The following KCNC4 variants were observed in gnomAD, a reference collection of about 807,000 sequenced individuals.
The protein encoded by KCNC4 is voltage-gated potassium channel KCNC4.
KCNC4 carries 23 observed loss-of-function variants against 42.8 expected under a neutral mutation model. That is an observed-to-expected ratio of 0.54 (90% CI 0.39 to 0.76). KCNC4 has a LOEUF of 0.76. KCNC4 is among the 30% of genes least tolerant of loss of function. The pLI is 0.00. For synonymous variants in KCNC4, 422 were observed against 393.5 expected (o/e 1.07, Z -0.86); for missense variants, 751 against 898.2 (o/e 0.84, Z 2.10).
At chr1:110,251,980 C>T (rs1293341913), downstream of KCNC4, among the ~76,000 whole-genome samples, 1 of 152,198 alleles carries the variant, frequency 6.6e-6, no homozygotes, top group Non-Finnish European at 1.5e-5. Context: ...AGAGCAAGCC[C>T]ATGATGGTGA....
chr1:110,223,644 G>C lies in KCNC4; in HGVS notation c.1359G>C (p.Gly453=). The change falls in exon 2 of 4, where the codon GGG becomes GGC. Residue 453 remains glycine, a synonymous_variant. Coordinates refer to ENST00000438661, the MANE Select transcript of KCNC4 (RefSeq NM_001039574.3). The surrounding 1 kb of genome is among the most constrained non-coding windows in gnomAD (Gnocchi z 7.5). ...YPKTWSGMLV[G]ALCALAGVLT... Reference sequence around the variant, plus strand: ...AGACGTGGTCAGGCATGCTGGTAGGGGCACTGTGTGCACTGGCTGGCGTGC... The same window carrying C: ...AGACGTGGTCAGGCATGCTGGTAGGCGCACTGTGTGCACTGGCTGGCGTGC... The C allele has an allele frequency of 6.2e-7, 1 of 1,614,144 alleles. No individual in the cohort carries two copies.
At chr1:110,253,231 C>T (rs1659274281), downstream of KCNC4, among the ~76,000 whole-genome samples, 2 of 152,228 alleles carry the variant, frequency 1.3e-5, no homozygotes, top group South Asian at 4.1e-4. Context: ...CATTTACTGA[C>T]CATGAGGGCA....
At chr1:110,269,722 A>T (rs1659607488) in intron 1 of KCNC4, among the ~76,000 whole-genome samples, 1 of 151,930 alleles carries the variant, frequency 6.6e-6, no homozygotes, top group Admixed American at 6.6e-5. Flanking sequence ...TGGTTACCAG[A>T]TCTCAGGCAA....
In KCNC4 at chr1:110,210,617, G is replaced by C. The variant is rs963099057; in HGVS notation, c.-883G>C. On this transcript the variant is annotated 5_prime_UTR_variant, in exon 1 of 4. Transcript: ENST00000438661. Reference sequence around the variant, plus strand: ...CCGCCCCCGGTACACCTTCGCCAGTGCCCAGAGCCCGGCTCCCCAGAGCGG... The same window carrying C: ...CCGCCCCCGGTACACCTTCGCCAGTCCCCAGAGCCCGGCTCCCCAGAGCGG... Among the ~76,000 whole-genome samples the C allele has an allele frequency of 1.3e-5, 2 of 151,052 alleles. No individual in the cohort carries two copies. Among genetic ancestry groups the C allele is most frequent in the Non-Finnish European group, 3.0e-5 (2 of 67,716 alleles).
downstream of KCNC4, among the ~76,000 whole-genome samples, chr1:110,253,092 A>G (rs778376467): frequency 7.9e-5 from 12 of 151,972 alleles, no homozygotes; most frequent in Non-Finnish European, 1.8e-4. Flanking sequence ...TTCTCAGCCA[A>G]CTCTCTGAAG....
chr1:110,218,345 C>T (rs1254509137), intron 1 of KCNC4, among the ~76,000 whole-genome samples: 1 of 152,172 alleles, frequency 6.6e-6, no homozygotes, highest in African/African-American at 2.4e-5. Flanking sequence ...TTGCACTACT[C>T]ATCCCTTCTG....
downstream of KCNC4, chr1:110,238,465 T>TG (rs1658956409): frequency 1.3e-5 from 2 of 152,222 alleles, no homozygotes; most frequent in Admixed American, 1.3e-4. Flanking sequence ...GTCATCCACT[T>TG]GTGTAGTTCC....
intron 1 of KCNC4, chr1:110,219,710 A>G (rs1571032425): frequency 6.6e-6 from 1 of 152,156 alleles, no homozygotes; most frequent in African/African-American, 2.4e-5. Context: ...AGGAAGCCCT[A>G]GTCAAGGGAG....
rs1557874038 is a variant in KCNC4, at chr1:110,265,397, TA to T, written n.31-17133del. ...TAAAATAAAATAAAATAAAATAAAATAAAATAAAATAAAATAAAATAAAATA... is the reference window on the plus strand; with the variant it reads ...TAAAATAAAATAAAATAAAATAAAATAAATAAAATAAAATAAAATAAAATA... On this transcript the variant is annotated intron_variant and non_coding_transcript_variant, in intron 1 of 2. Transcript: ENST00000412512. Among the ~76,000 whole-genome samples the T allele has an allele frequency of 3.2e-4, 37 of 116,538 alleles. 3 individuals are homozygous for T. The East Asian group carries it at 7.9e-3, about 25-fold the overall frequency. 76.5% of individuals were successfully genotyped at this position (116,538 alleles called of 152,430 possible).
Position 110,212,177 on chromosome 1 carries a change from G to A in KCNC4, c.678G>A (p.Arg226=), listed in dbSNP as rs771076232. The part of the protein sequence containing the change: ...FEDPYSSRAA[R]VVAFASLFFI... Reference sequence around the variant, plus strand: ...ATCCCTACTCCTCCCGGGCCGCTAGGGTGAGTGGCAGGAGCCCGTGTCTCC... The same window carrying A: ...ATCCCTACTCCTCCCGGGCCGCTAGAGTGAGTGGCAGGAGCCCGTGTCTCC... Residue 226 remains arginine, a splice_region_variant and synonymous_variant, in exon 1 of 4, where the codon AGG becomes AGA. Transcript: ENST00000438661. 6.7e-7 allele frequency: 1 copy of A among 1,488,070 alleles called. No individual in the cohort carries two copies. Among genetic ancestry groups the A allele is most frequent in the Non-Finnish European group, 8.8e-7 (1 of 1,135,940 alleles). The allele number at this position is 1,488,070 out of a possible 1,614,324, so 92.2% of individuals were successfully genotyped here.
chr1:110,216,149 C>T (rs1657781740), intron 1 of KCNC4, among the ~76,000 whole-genome samples: 2 of 152,242 alleles, frequency 1.3e-5, no homozygotes, highest in South Asian at 4.1e-4. Context: ...AGCTGCATTC[C>T]TGCCTGCCCG....
intron 1 of KCNC4, among the ~76,000 whole-genome samples, chr1:110,277,796 C>T (rs3849180): frequency 0.28 from 42,283 of 152,108 alleles, 6,276 homozygotes; most frequent in Admixed American, 0.42. Context: ...TCACTAGGTG[C>T]AGATTTATAA....
In KCNC4 at chr1:110,210,725, C is replaced by T. The variant is rs942963187; in HGVS notation, c.-775C>T. On this transcript the variant is annotated 5_prime_UTR_variant, in exon 1 of 4. Transcript: ENST00000438661. ...AGCGCGGCCCCCGCAGCGCTGCGCC[C>T]GGTCCGGCGCAGCTCCCAGCCGCGG... Among the ~76,000 whole-genome samples, 3 of 151,424 alleles carry T rather than the reference C, an allele frequency of 2.0e-5. No individual in the cohort carries two copies. The highest frequency in any genetic ancestry group is 2.1e-4 in the South Asian group (1 of 4,820).
At chr1:110,254,078 A>G (rs576894310), downstream of KCNC4, among the ~76,000 whole-genome samples, 15 of 122,960 alleles carry the variant, frequency 1.2e-4, no homozygotes, top group Non-Finnish European at 2.4e-4. Flanking sequence ...GAAGGAAGAA[A>G]TAGGCAGAAG....
At chr1:110,253,227 C>T (rs1016949407), downstream of KCNC4, among the ~76,000 whole-genome samples, 1 of 152,252 alleles carries the variant, frequency 6.6e-6, no homozygotes, top group African/African-American at 2.4e-5. Flanking sequence ...ACCACATTTA[C>T]TGACCATGAG....
chr1:110,231,830 TAAG>T (rs61110626), intron 3 of KCNC4, among the ~76,000 whole-genome samples: 28,787 of 151,954 alleles, frequency 0.19, 4,247 homozygotes, highest in African/African-American at 0.39. Flanking sequence ...CATACAGTCT[TAAG>T]AAGATGGAAA....
At chr1:110,280,160 G>A (rs541643265) in intron 1 of KCNC4, among the ~76,000 whole-genome samples, 2 of 152,200 alleles carry the variant, frequency 1.3e-5, no homozygotes, top group African/African-American at 2.4e-5. Context: ...ATCACAATAG[G>A]TTGGTTCTCT....
intron 1 of KCNC4, among the ~76,000 whole-genome samples, chr1:110,256,412 C>T (rs1659332281): frequency 6.6e-6 from 1 of 152,162 alleles, no homozygotes; most frequent in Non-Finnish European, 1.5e-5. Context: ...TAAACTGAGG[C>T]CCCGAAAGAA....
Position 110,278,130 on chromosome 1 carries a change from G to A in KCNC4, n.31-4404G>A, listed in dbSNP as rs1452182960. ...TCACTACCCTCCAGCCTGGATGACCGAATGAGATCCTGTTTCAAGAAAGAA... is the reference window on the plus strand; with the variant it reads ...TCACTACCCTCCAGCCTGGATGACCAAATGAGATCCTGTTTCAAGAAAGAA... On this transcript the variant is annotated intron_variant and non_coding_transcript_variant, in intron 1 of 2. Coordinates refer to the KCNC4 transcript ENST00000412512. Among the ~76,000 whole-genome samples the A allele has an allele frequency of 3.6e-5, 5 of 140,842 alleles. No homozygotes were observed. In the East Asian group the frequency reaches 1.2e-3, roughly 34 times the overall value. 92.4% of individuals were successfully genotyped at this position (140,842 alleles called of 152,430 possible). A position where few individuals can be genotyped will look rare whatever the true frequency, so the allele number is the denominator to read the frequency against.
Sources: gnomAD v4.1 joint callset for allele counts (sites outside exome capture counted in the v4.1 genomes callset) on GRCh38, gnomAD v4.1.1 for gene constraint, Gnocchi (gnomAD v3.1) non-coding constraint, MANE v1.5 for transcripts, NCBI Gene and HGNC (gene_info 2026-07-23, HGNC 2026-07-21) for gene names.